The following STEAP4 variants were observed in gnomAD, a reference collection of about 807,000 sequenced individuals.
The protein encoded by STEAP4 is metalloreductase STEAP4.
A neutral mutation model predicts 43.6 loss-of-function variants in STEAP4; 36 were observed. That is an observed-to-expected ratio of 0.83 (90% CI 0.63 to 1.09). The LOEUF is 1.09. Ranked by LOEUF, STEAP4 falls within the 50% of genes least tolerant of loss-of-function variation. The pLI is 0.00. For synonymous variants in STEAP4, 191 were observed against 196.7 expected, an observed-to-expected ratio of 0.97 and a Z score of 0.24; for missense variants, 495 against 546.5, an observed-to-expected ratio of 0.91 and a Z score of 0.94.
chr7:88,300,897 C>T (rs894281506), intron 1 of STEAP4, among the ~76,000 whole-genome samples: 4 of 152,162 alleles, frequency 2.6e-5, no homozygotes, highest in African/African-American at 9.7e-5. Flanking sequence ...AAAACAGAAT[C>T]CTTGTGGTTT....
At chr7:88,286,252 C>T (rs913666852) in intron 1 of STEAP4, among the ~76,000 whole-genome samples, 3 of 152,180 alleles carry the variant, frequency 2.0e-5, no homozygotes, top group African/African-American at 7.2e-5. Context: ...TTACTGATAA[C>T]ATATACTGAG....
chr7:88,305,615 T>C (rs992180674), intron 1 of STEAP4, among the ~76,000 whole-genome samples: 1 of 152,234 alleles, frequency 6.6e-6, no homozygotes, highest in African/African-American at 2.4e-5. Flanking sequence ...AACTTTAAGA[T>C]GCTCCTGTGG....
chr7:88,280,857 A>G (rs1852605536), intron 4 of STEAP4, 58 bp downstream of exon 4: 1 of 1,428,646 alleles, frequency 7.0e-7, no homozygotes, highest in Non-Finnish European at 9.3e-7. Flanking sequence ...TTTAAATATG[A>G]TTGCTAGGGA....
chr7:88,284,380 T>A (rs1228805570), intron 1 of STEAP4, 109 bp from the exon 2 acceptor site: 1 of 819,292 alleles, frequency 1.2e-6, no homozygotes, highest in Admixed American at 3.2e-5. Flanking sequence ...GTAATCTAAT[T>A]ATCTTAACTA....
Position 88,282,637 on chromosome 7 carries a change from T to A in STEAP4, c.984+4A>T, listed in dbSNP as rs768779197. On this transcript the variant is annotated splice_donor_region_variant and intron_variant, in intron 3 of 4. Coordinates refer to ENST00000380079, the MANE Select transcript of STEAP4 (RefSeq NM_024636.4). ...CAGAAGAAAATATATAAGAAGAGAT[T>A]TACCTGGGTAACGGTTAAGTTTCCC... The A allele has an allele frequency of 1.9e-6, 3 of 1,609,834 alleles. No homozygotes were observed. The Admixed American group carries it at 5.0e-5, about 27-fold the overall frequency.
At chr7:88,283,348 G>T in intron 2 of STEAP4, 180 bp from the exon 3 acceptor site, 1 of 660,422 alleles carries the variant, frequency 1.5e-6, no homozygotes, top group Non-Finnish European at 2.4e-6. Flanking sequence ...TGGTGTCTTA[G>T]ATAGGTAAGT....
rs1852645812 is a variant in STEAP4, at chr7:88,282,816, A to G, written c.809T>C (p.Leu270Pro). The G allele has an allele frequency of 6.2e-7, 1 of 1,614,100 alleles. No individual in the cohort carries two copies. The highest frequency in any genetic ancestry group is 1.3e-5 in the African/African-American group (1 of 74,944). The change falls in exon 3 of 5, where the codon CTG becomes CCG. Residue 270 changes from leucine (L) to proline (P), a missense_variant. Leu to Pro is a moderately conservative substitution (Grantham distance 98). Transcript: ENST00000380079. ...TCGACGGTATTTTGTGCCTCGGTAC[A>G]GTTGTAGAATGGCAGCAATAACACC... ...LPGVIAAILQ[L>P]YRGTKYRRFP...
In STEAP4 at chr7:88,284,031, G is replaced by T. The variant is rs1286083326; in HGVS notation, c.239C>A (p.Ala80Glu). The part of the protein sequence containing the change: ...AAKKSGIIII[A>E]IHREHYDFLT... ...AAAATCATAATGCTCTCTGTGGATT[G>T]CTATGATTATGATGCCAGACTTCTT... Residue 80 changes from alanine to glutamate, a missense_variant, in exon 2 of 5, where the codon GCA becomes GAA. By Grantham distance (107) the Ala-to-Glu change is moderately radical. Coordinates refer to ENST00000380079, the MANE Select transcript of STEAP4 (RefSeq NM_024636.4). The T allele has an allele frequency of 6.2e-7, 1 of 1,614,110 alleles. No individual in the cohort carries two copies. The highest frequency in any genetic ancestry group is 8.5e-7 in the Non-Finnish European group (1 of 1,180,014).
At chr7:88,279,682 A>T in intron 4 of STEAP4, 54 bp from the exon 5 acceptor site, 3 of 1,385,990 alleles carry the variant, frequency 2.2e-6, no homozygotes, top group Non-Finnish European at 3.0e-6. Flanking sequence ...TCTTAAAGTG[A>T]AACACTCTAA....
At position 88,277,066 on chromosome 7, in the gene STEAP4, C is replaced by A. The variant is rs898341878; in HGVS notation, c.*2332G>T. ...AAAAGAGCATGGTTAACTCCAAAGA[C>A]TTCTCTAGACCAGCCTGGATGGTAC... On this transcript the variant is annotated 3_prime_UTR_variant, in exon 5 of 5. Transcript: ENST00000380079. 6 of 152,152 alleles carry A rather than the reference C, an allele frequency of 3.9e-5. No homozygotes were observed. Among genetic ancestry groups the A allele is most frequent in the African/African-American group, 1.4e-4 (6 of 41,438 alleles). 9.4% of individuals were successfully genotyped at this position (152,152 alleles called of 1,614,324 possible). A position where few individuals can be genotyped will look rare whatever the true frequency, so the allele number is the denominator to read the frequency against.
intron 1 of STEAP4, 81 bp from the exon 2 acceptor site, chr7:88,284,352 T>C (rs1316440990): frequency 9.9e-7 from 1 of 1,014,978 alleles, no homozygotes; most frequent in Admixed American, 2.8e-5. Context: ...ATTCAAGAAG[T>C]AATGTAATTG....
In STEAP4 at chr7:88,278,367, ATAC is replaced by A. The variant is rs1220430383; in HGVS notation, c.*1028_*1030del. On this transcript the variant is annotated 3_prime_UTR_variant, in exon 5 of 5. Coordinates refer to ENST00000380079, the MANE Select transcript of STEAP4 (RefSeq NM_024636.4). ...GATCATCTATGCATTGTTCAAATTT[ATAC>A]CTGCAGACTATTCATTTAATTTTAC... 1 of 152,246 alleles carries A rather than the reference ATAC, an allele frequency of 6.6e-6. No homozygotes were observed. Among genetic ancestry groups the A allele is most frequent in the African/African-American group, 2.4e-5 (1 of 41,470 alleles). The allele number at this position is 152,246 out of a possible 1,614,324, so 9.4% of individuals were successfully genotyped here.
chr7:88,297,828 A>G (rs1318644242), intron 1 of STEAP4, among the ~76,000 whole-genome samples: 1 of 152,198 alleles, frequency 6.6e-6, no homozygotes, highest in Non-Finnish European at 1.5e-5. Flanking sequence ...TAAGCTCATA[A>G]TAAGTTGAAA....
intron 1 of STEAP4, among the ~76,000 whole-genome samples, chr7:88,306,538 C>T (rs1853137085): frequency 6.6e-6 from 1 of 152,240 alleles, no homozygotes; most frequent in Admixed American, 6.5e-5. Context: ...AATCTAACCC[C>T]TTAATTTTCC....
At chr7:88,296,203 C>T (rs757336383) in intron 1 of STEAP4, among the ~76,000 whole-genome samples, 6 of 152,248 alleles carry the variant, frequency 3.9e-5, no homozygotes, top group African/African-American at 7.2e-5. Context: ...AATGTGATAA[C>T]GTGTTACTAA....
At chr7:88,296,997 T>C (rs554622252) in intron 1 of STEAP4, among the ~76,000 whole-genome samples, 2 of 152,320 alleles carry the variant, frequency 1.3e-5, no homozygotes, top group Non-Finnish European at 2.9e-5. Context: ...AAAATATAAA[T>C]GTATATTTTA....
intron 4 of STEAP4, 32 bp downstream of exon 4, chr7:88,280,883 T>A (rs1489946748): frequency 6.6e-7 from 1 of 1,507,560 alleles, no homozygotes; most frequent in African/African-American, 1.4e-5. Flanking sequence ...TGGAGCAAAA[T>A]GAAAAGTTAG....
intron 1 of STEAP4, among the ~76,000 whole-genome samples, chr7:88,298,643 T>A (rs1157918276): frequency 1.3e-5 from 2 of 152,160 alleles, no homozygotes; most frequent in African/African-American, 4.8e-5. Context: ...ATTCTCTTAC[T>A]ATCAGTTTAA....
chr7:88,274,301 C>T lies in STEAP4; in HGVS notation c.*5097G>A, dbSNP rs1852479788. On this transcript the variant is annotated 3_prime_UTR_variant, in exon 5 of 5. Coordinates refer to ENST00000380079, the MANE Select transcript of STEAP4 (RefSeq NM_024636.4). ...ACGCATGGCACTCTGCTGTAAGTAT[C>T]ATTAAAAGCCTTCCAAAATTCCCTT... 6.6e-6 allele frequency: 1 copy of T among 152,244 alleles called. No homozygotes were observed. The highest frequency in any genetic ancestry group is 6.5e-5 in the Admixed American group (1 of 15,282). The allele number at this position is 152,244 out of a possible 1,614,324, so 9.4% of individuals were successfully genotyped here. A position where few individuals can be genotyped will look rare whatever the true frequency, so the allele number is the denominator to read the frequency against.
Sources: gnomAD v4.1 joint callset for allele counts (sites outside exome capture counted in the v4.1 genomes callset) on GRCh38, gnomAD v4.1.1 for gene constraint, MANE v1.5 for transcripts, NCBI Gene and HGNC (gene_info 2026-07-23, HGNC 2026-07-21) for gene names.